Variants in TYW1B observed in about 807,000 individuals in gnomAD.
TYW1B encodes tRNA-yW synthesizing protein 1 homolog B, also known as S-adenosyl-L-methionine-dependent tRNA 4-demethylwyosine synthase TYW1B.
In TYW1B, 73 loss-of-function variants were observed where a neutral mutation model predicts 86.9. That is an observed-to-expected ratio of 0.84 (90% CI 0.70 to 1.02). TYW1B has a LOEUF of 1.02. Ranked by LOEUF, TYW1B falls within the 50% of genes least tolerant of loss-of-function variation. The pLI, the probability that TYW1B is intolerant of heterozygous loss-of-function variation, is 0.00. For synonymous variants in TYW1B, 248 were observed against 292.8 expected, an observed-to-expected ratio of 0.85 and a Z score of 1.56; for missense variants, 637 against 827.4, an observed-to-expected ratio of 0.77 and a Z score of 2.82.
At chr7:72,631,238 C>T (rs1229615520) in intron 11 of TYW1B, among the ~76,000 whole-genome samples, 1 of 151,948 alleles carries the variant, frequency 6.6e-6, no homozygotes, top group Non-Finnish European at 1.5e-5. Context: ...AGGGGCCGGA[C>T]GTGGTGGCTC....
chr7:72,659,586 G>T (rs1563049463), intron 11 of TYW1B, among the ~76,000 whole-genome samples: 1 of 151,970 alleles, frequency 6.6e-6, no homozygotes, highest in African/African-American at 2.4e-5. Context: ...TCAAAGAAAA[G>T]AAAAGAAAAA....
chr7:72,776,798 T>C (rs1452685920), intron 7 of TYW1B, among the ~76,000 whole-genome samples: 3 of 151,698 alleles, frequency 2.0e-5, no homozygotes, highest in Non-Finnish European at 2.9e-5. Context: ...AATTAAAATA[T>C]AGACATAGAT....
At chr7:72,601,614 A>G (rs1372622881) in intron 13 of TYW1B, among the ~76,000 whole-genome samples, 1 of 152,038 alleles carries the variant, frequency 6.6e-6, no homozygotes, top group African/African-American at 2.4e-5. Flanking sequence ...AGCAACCAAG[A>G]TGTCCTTCAA....
intron 7 of TYW1B, among the ~76,000 whole-genome samples, chr7:72,772,691 C>A (rs1260289443): frequency 6.6e-6 from 1 of 152,012 alleles, no homozygotes; most frequent in Non-Finnish European, 1.5e-5. Flanking sequence ...CATTCAATAC[C>A]GTTTCTCATG....
intron 6 of TYW1B, among the ~76,000 whole-genome samples, chr7:72,798,119 G>T: frequency 6.6e-6 from 1 of 151,928 alleles, no homozygotes; most frequent in East Asian, 1.9e-4. Context: ...GTCCGTCTCA[G>T]CCGGCCGGGC....
At chr7:72,756,688 G>A (rs4717065) in intron 7 of TYW1B, among the ~76,000 whole-genome samples, 104,427 of 151,542 alleles carry the variant, frequency 0.69, 36,926 homozygotes, top group Non-Finnish European at 0.77. Context: ...GCCTGCGGTC[G>A]CTCAGCTCCT....
intron 13 of TYW1B, among the ~76,000 whole-genome samples, chr7:72,595,210 T>C (rs1811500783): frequency 6.6e-6 from 1 of 152,210 alleles, no homozygotes; most frequent in Non-Finnish European, 1.5e-5. Context: ...TTTTTGTTTT[T>C]AAATGATATG....
intron 11 of TYW1B, among the ~76,000 whole-genome samples, chr7:72,678,994 T>C (rs1813805925): frequency 6.6e-6 from 1 of 151,944 alleles, no homozygotes; most frequent in Non-Finnish European, 1.5e-5. Context: ...CTGAGCTTCT[T>C]GGGGGACTGA....
chr7:72,619,838 G>A (rs1554437646), intron 12 of TYW1B, among the ~76,000 whole-genome samples: 2 of 152,046 alleles, frequency 1.3e-5, no homozygotes, highest in Admixed American at 6.6e-5. Flanking sequence ...TACTTCAAAG[G>A]ACTTTCTTTT....
intron 7 of TYW1B, among the ~76,000 whole-genome samples, chr7:72,755,795 C>A (rs1237105833): frequency 6.6e-6 from 1 of 152,182 alleles, no homozygotes; most frequent in Non-Finnish European, 1.5e-5. Context: ...GCCTGTGGAG[C>A]AGATTGTACT....
chr7:72,601,689 A>G (rs1811671355), intron 13 of TYW1B, among the ~76,000 whole-genome samples: 1 of 152,000 alleles, frequency 6.6e-6, no homozygotes, highest in African/African-American at 2.4e-5. Flanking sequence ...CCAATAAAAA[A>G]AAAAAATGAG....
chr7:72,749,127 T>C (rs1312131279), intron 7 of TYW1B, among the ~76,000 whole-genome samples: 2 of 152,174 alleles, frequency 1.3e-5, no homozygotes, highest in African/African-American at 4.8e-5. Context: ...ATTATTCCGA[T>C]TATATATTTT....
At chr7:72,609,090 C>T (rs1369569360) in intron 13 of TYW1B, among the ~76,000 whole-genome samples, 5 of 152,136 alleles carry the variant, frequency 3.3e-5, no homozygotes, top group African/African-American at 1.2e-4. Context: ...ATGAAGGGTA[C>T]CTGAGACCTT....
At chr7:72,711,459 TC>T (rs1225077311) in intron 10 of TYW1B, among the ~76,000 whole-genome samples, 1 of 139,100 alleles carries the variant, frequency 7.2e-6, no homozygotes, top group African/African-American at 2.6e-5. Context: ...TTCGTGTTTC[TC>T]TCCTCTTTAA....
At chr7:72,627,113 A>C (rs1279991057) in intron 12 of TYW1B, among the ~76,000 whole-genome samples, 1 of 151,830 alleles carries the variant, frequency 6.6e-6, no homozygotes, top group Non-Finnish European at 1.5e-5. Context: ...GAATGCCCTT[A>C]CCCCAGGTTT....
intron 11 of TYW1B, among the ~76,000 whole-genome samples, chr7:72,678,301 T>C (rs1419987529): frequency 2.6e-5 from 4 of 152,118 alleles, no homozygotes; most frequent in Non-Finnish European, 5.9e-5. Context: ...GGATATTATT[T>C]TCCACAGGAT....
At chr7:72,580,348 A>G (rs1288583393) in intron 13 of TYW1B, among the ~76,000 whole-genome samples, 68 of 152,344 alleles carry the variant, frequency 4.5e-4, no homozygotes, top group African/African-American at 1.4e-3. Context: ...AGAGGCATGA[A>G]ACCCCAAATC....
intron 13 of TYW1B, among the ~76,000 whole-genome samples, chr7:72,584,887 G>A (rs1811240457): frequency 6.6e-6 from 1 of 152,142 alleles, no homozygotes; most frequent in African/African-American, 2.4e-5. Flanking sequence ...GGCAAACGAG[G>A]GGAGCCGAAA....
chr7:72,699,785 T>G (rs1434464010), intron 10 of TYW1B, among the ~76,000 whole-genome samples: 2 of 151,650 alleles, frequency 1.3e-5, no homozygotes, highest in Non-Finnish European at 2.9e-5. Context: ...AAGTAGCTGG[T>G]TCTACAGGCA....
Sources: allele counts gnomAD v4.1 joint callset (sites outside exome capture counted in the v4.1 genomes callset), GRCh38; gene constraint gnomAD v4.1.1; transcripts MANE v1.5; gene names NCBI Gene and HGNC (gene_info 2026-07-23, HGNC 2026-07-21).